Variants in LIPJ observed in about 807,000 individuals in gnomAD.
The protein encoded by LIPJ is lipase member J.
Under a neutral mutation model 39.8 loss-of-function variants are expected in LIPJ, and 33 were observed. The observed-to-expected ratio is 0.83, with a 90% confidence interval of 0.63 to 1.11. The LOEUF is 1.11. LIPJ is among the 50% of genes least tolerant of loss of function. The probability of loss-of-function intolerance (pLI) is 0.00; values close to 1 mark genes in which losing one functional copy is unlikely to be tolerated. For synonymous variants in LIPJ, 128 were observed against 139.2 expected (o/e 0.92, Z 0.57); for missense variants, 422 against 427.9 (o/e 0.99, Z 0.12).
chr10:88,582,974 G>A, upstream of LIPJ: 1 of 1,364,546 alleles, frequency 7.3e-7, no homozygotes, highest in Non-Finnish European at 9.9e-7. Context: ...TGAGGGTATA[G>A]CGTTTTCGCC....
chr10:88,588,441 A>G (rs749065599), intron 2 of LIPJ, among the ~76,000 whole-genome samples: 42 of 152,002 alleles, frequency 2.8e-4, no homozygotes, highest in Non-Finnish European at 5.3e-4. Context: ...TAAAATCTGC[A>G]TATTGATTCA....
chr10:88,606,530 T>A (rs1564940620), intron 10 of LIPJ, 144 bp from the exon 11 acceptor site: 1 of 543,896 alleles, frequency 1.8e-6, no homozygotes. Context: ...CATACCTTTG[T>A]CTCAACAGAT....
In LIPJ at chr10:88,596,780, T is replaced by C. The variant is rs1851267947; in HGVS notation, c.577-10T>C. The stretch of plus-strand genomic sequence containing the variant: ...CATCCAAATGTGGATAAAATAAATT[T>C]ATTTTACAGGCTTTTTCAGGCAACA... On this transcript the variant is annotated splice_polypyrimidine_tract_variant and intron_variant, in intron 7 of 10. Transcript: ENST00000371939. 1 of 1,595,066 alleles carries C rather than the reference T, an allele frequency of 6.3e-7. No individual in the cohort carries two copies. Among genetic ancestry groups the C allele is most frequent in the South Asian group, 1.1e-5 (1 of 88,186 alleles).
chr10:88,608,737 T>TGAG (rs1851715514), downstream of LIPJ, among the ~76,000 whole-genome samples: 1 of 152,212 alleles, frequency 6.6e-6, no homozygotes, highest in Non-Finnish European at 1.5e-5. Flanking sequence ...TCTGAAATTA[T>TGAG]TATACAAATG....
At chr10:88,583,577 C>A, upstream of LIPJ, 1 of 1,013,398 alleles carries the variant, frequency 9.9e-7, no homozygotes. Context: ...CGATAACTCT[C>A]ATGCCTGTTG....
At chr10:88,596,254 C>G (rs1200120174) in intron 6 of LIPJ, 26 bp from the exon 7 acceptor site, 2 of 1,284,116 alleles carry the variant, frequency 1.6e-6, no homozygotes, top group Non-Finnish European at 2.1e-6. Context: ...GAATAGCTTA[C>G]TAATTTATAT....
In LIPJ at chr10:88,605,640, AT is replaced by A. The variant is rs764062733; in HGVS notation, c.805del (p.Ser269LeufsTer4). 5.6e-6 allele frequency: 9 copies of A among 1,609,558 alleles called. No homozygotes were observed. The South Asian group carries it at 9.9e-5, about 18-fold the overall frequency. On this transcript the variant is annotated frameshift_variant, in exon 10 of 11. Coordinates refer to ENST00000371939, the Ensembl canonical transcript of LIPJ. LOFTEE classifies it high-confidence loss of function. ...TTTTTGTTTCTCTTTCAGCTTTTAA[AT>A]TCTACTCATTTGAAAGCTTATGACT...
upstream of LIPJ, chr10:88,582,981 C>G: frequency 7.0e-7 from 1 of 1,418,854 alleles, no homozygotes; most frequent in Non-Finnish European, 9.5e-7. Context: ...ATAGCGTTTT[C>G]GCCTTAGACT....
chr10:88,597,497 C>T (rs1785589956), intron 8 of LIPJ, among the ~76,000 whole-genome samples: 1 of 151,882 alleles, frequency 6.6e-6, no homozygotes, highest in Non-Finnish European at 1.5e-5. Flanking sequence ...TTTTTCATCA[C>T]ATTAAATTAA....
rs1851534894 is a variant in LIPJ at position 88,602,651 on chromosome 10, T to A, written c.795+4T>A. The A allele has an allele frequency of 2.6e-6, 4 of 1,568,440 alleles. No homozygotes were observed. Among genetic ancestry groups the A allele is most frequent in the Non-Finnish European group, 3.5e-6 (4 of 1,151,538 alleles). On this transcript the variant is annotated splice_donor_region_variant and intron_variant, in intron 9 of 10. Transcript: ENST00000371939. The stretch of plus-strand genomic sequence containing the variant: ...AAATATGCTTCATTGGAGTCAGGTA[T>A]AACTGCTAAAGTGCATTTCCATACA...
At chr10:88,615,160 T>C in the LIPJ span, among the ~76,000 whole-genome samples, 6 of 152,206 alleles carry the variant, frequency 3.9e-5, no homozygotes, top group African/African-American at 1.4e-4. Flanking sequence ...AAAAGGCTGG[T>C]AAATTGAATT....
chr10:88,596,408 A>G lies in LIPJ; in HGVS notation c.568A>G (p.Ile190Val), dbSNP rs778834580. The G allele has an allele frequency of 5.9e-6, 9 of 1,535,940 alleles. No individual in the cohort carries two copies. The Admixed American group carries it at 1.5e-4, about 25-fold the overall frequency. ...TAGAATGACATACAAATGGAAGTCA[A>G]TAGTCATGGTATGTTCTACCTTTAT... is the stretch of plus-strand genomic sequence containing the variant. Residue 190 changes from isoleucine (I) to valine (V), a missense_variant, in exon 7 of 11, where the codon ATA (isoleucine) becomes GTA (valine). Ile to Val is a conservative substitution (Grantham distance 29). Coordinates refer to ENST00000371939, the Ensembl canonical transcript of LIPJ.
At chr10:88,618,737 G>T in the LIPJ span, 2 of 163,570 alleles carry the variant, frequency 1.2e-5, no homozygotes, top group South Asian at 3.2e-4. Flanking sequence ...CTAGCCATTT[G>T]AATCTCAGTT....
intron 4 of LIPJ, chr10:88,592,130 C>G (rs999810305): frequency 2.0e-5 from 3 of 151,946 alleles, no homozygotes; most frequent in Non-Finnish European, 4.4e-5. Flanking sequence ...CAGAAGGAAA[C>G]AGGATGTGAA....
upstream of LIPJ, among the ~76,000 whole-genome samples, chr10:88,584,793 G>C (rs1465862578): frequency 6.6e-6 from 1 of 152,132 alleles, no homozygotes; most frequent in African/African-American, 2.4e-5. Flanking sequence ...TTTATGTAGA[G>C]ATAAGGTTTT....
intron 2 of LIPJ, among the ~76,000 whole-genome samples, chr10:88,590,300 T>C (rs534038808): frequency 6.6e-6 from 1 of 151,914 alleles, no homozygotes; most frequent in African/African-American, 2.4e-5. Flanking sequence ...GCTCTCAGAA[T>C]TGGACTGTGC....
chr10:88,611,379 T>C (rs929819284), downstream of LIPJ, among the ~76,000 whole-genome samples: 1 of 152,158 alleles, frequency 6.6e-6, no homozygotes, highest in African/African-American at 2.4e-5. Flanking sequence ...CAAAAGATCA[T>C]ACCAGCTCAC....
intron 2 of LIPJ, among the ~76,000 whole-genome samples, chr10:88,589,032 C>T (rs991777563): frequency 6.6e-6 from 1 of 151,684 alleles, no homozygotes; most frequent in African/African-American, 2.4e-5. Flanking sequence ...CAGTCAAAAC[C>T]TACATGCCTG....
intron 2 of LIPJ, among the ~76,000 whole-genome samples, chr10:88,587,608 T>A (rs1590072425): frequency 1.3e-5 from 2 of 152,114 alleles, no homozygotes; most frequent in African/African-American, 4.8e-5. Flanking sequence ...AATCATTATT[T>A]AAAATTCTGG....
Sources: gnomAD v4.1 joint callset for allele counts (sites outside exome capture counted in the v4.1 genomes callset) on GRCh38, gnomAD v4.1.1 for gene constraint, MANE v1.5 for transcripts, NCBI Gene and HGNC (gene_info 2026-07-23, HGNC 2026-07-21) for gene names.